Variants in RBPMS observed in about 807,000 individuals in gnomAD.
The protein encoded by RBPMS is RNA-binding protein with multiple splicing.
RBPMS carries 7 observed loss-of-function variants against 26.8 expected under a neutral mutation model. The observed-to-expected ratio is 0.26, with a 90% CI of 0.15 to 0.49. The LOEUF is 0.49. Among genes scored for constraint, RBPMS ranks in the 20% least tolerant of loss-of-function variants. The pLI is 0.98. For missense variants in RBPMS, 186 were observed against 250.0 expected (o/e 0.74, Z 1.73); for synonymous variants, 96 against 93.3 (o/e 1.03, Z -0.17).
At chr8:30,528,867 A>G (rs1436000236) in intron 5 of RBPMS, among the ~76,000 whole-genome samples, 1 of 151,978 alleles carries the variant, frequency 6.6e-6, no homozygotes, top group Non-Finnish European at 1.5e-5. Flanking sequence ...TTCACATACC[A>G]TACAATTTAA....
intron 1 of RBPMS, among the ~76,000 whole-genome samples, chr8:30,469,613 G>T (rs1490391025): frequency 6.6e-6 from 1 of 152,216 alleles, no homozygotes; most frequent in Non-Finnish European, 1.5e-5. Flanking sequence ...GGCATGTTGT[G>T]TACTTGTCTA....
At chr8:30,540,532 C>T (rs941119251) in intron 5 of RBPMS, among the ~76,000 whole-genome samples, 2 of 152,132 alleles carry the variant, frequency 1.3e-5, no homozygotes, top group African/African-American at 4.8e-5. Context: ...TTCGAGTGAA[C>T]CTCCCACCTT....
rs58283942 is a variant in RBPMS, at chr8:30,492,459, T to TAA, written c.247-11818_247-11817dup. ...TGTCAACACCAGTAACCCTTTGACT[T>TAA]AAAAAAAAAATACCCCTTTTATCTT... On this transcript the variant is annotated intron_variant, in intron 4 of 8. Transcript: ENST00000397323. Among the ~76,000 whole-genome samples the TAA allele has an allele frequency of 2.8e-3, 415 of 150,132 alleles. 4 individuals carry two copies. The highest frequency in any genetic ancestry group is 5.2e-3 in the Non-Finnish European group (349 of 67,420).
In RBPMS at chr8:30,384,745, GCTTC is replaced by G. The variant is rs746653670; in HGVS notation, c.-331_-328del. ...GACGCGCGTCCTCGCCCCATCCTTTGCTTCCTTCCTTCCTTCCTTCTTCCTTCCT... is the reference window on the plus strand; with the variant it reads ...GACGCGCGTCCTCGCCCCATCCTTTGCTTCCTTCCTTCCTTCTTCCTTCCT... On this transcript the variant is annotated 5_prime_UTR_variant, in exon 1 of 9. Transcript: ENST00000397323. This position sits in a 1 kb window ranked among gnomAD's most constrained non-coding sequence, Gnocchi z 5.6. 4.0e-4 allele frequency: 84 copies of G among 208,678 alleles called. No homozygotes were observed. Among genetic ancestry groups the G allele is most frequent in the East Asian group, 5.5e-4 (5 of 9,124 alleles). The allele number at this position is 208,678 out of a possible 1,614,324, so 12.9% of individuals were successfully genotyped here.
intron 1 of RBPMS, among the ~76,000 whole-genome samples, chr8:30,471,527 C>T (rs76381265): frequency 2.8e-4 from 43 of 152,260 alleles, no homozygotes; most frequent in Admixed American, 1.9e-3. Flanking sequence ...TTCTGCTTAT[C>T]GTATCATTTT....
chr8:30,491,243 A>G (rs2150887766), intron 4 of RBPMS, among the ~76,000 whole-genome samples: 1 of 152,326 alleles, frequency 6.6e-6, no homozygotes, highest in South Asian at 2.1e-4. Context: ...AAAACCATTG[A>G]CTTATAAAAT....
chr8:30,469,632 G>A lies in RBPMS; in HGVS notation c.67-5147G>A, dbSNP rs553028761. On this transcript the variant is annotated intron_variant, in intron 1 of 8. Transcript: ENST00000397323. Reference sequence around the variant, plus strand: ...TGTTGTGTACTTGTCTAAGAAATATGTTTCCCCATGTGTTCCATAAAGTAA... The same window carrying A: ...TGTTGTGTACTTGTCTAAGAAATATATTTCCCCATGTGTTCCATAAAGTAA... 2.0e-5 allele frequency among the ~76,000 whole-genome samples: 3 copies of A among 152,298 alleles called. No homozygotes were observed. In the East Asian group the frequency reaches 5.8e-4, roughly 29 times the overall value.
rs1367397225 is a variant in RBPMS, at chr8:30,528,624, C to T, written c.398-15870C>T. 5.3e-5 allele frequency among the ~76,000 whole-genome samples: 8 copies of T among 152,212 alleles called. No individual in the cohort carries two copies. The South Asian group carries it at 8.3e-4, about 16-fold the overall frequency. ...TCATTCAAGACATTTCTGTTAAACA[C>T]GTTATATTCATTATCTCATTCAATC... On this transcript the variant is annotated intron_variant, in intron 5 of 8. Coordinates refer to ENST00000397323, the MANE Select transcript of RBPMS (RefSeq NM_001008710.3).
At chr8:30,445,226 T>C (rs1422349122) in intron 1 of RBPMS, 1 of 152,136 alleles carries the variant, frequency 6.6e-6, no homozygotes, top group Non-Finnish European at 1.5e-5. Context: ...ATACACATAT[T>C]TACCCAGTCT....
chr8:30,458,723 C>T (rs1025676139), intron 1 of RBPMS, among the ~76,000 whole-genome samples: 2 of 152,174 alleles, frequency 1.3e-5, no homozygotes, highest in African/African-American at 4.8e-5. Context: ...GCCTCAGACA[C>T]TGTTTTTTGA....
intron 6 of RBPMS, 35 bp from the exon 7 acceptor site, chr8:30,558,852 G>A: frequency 6.3e-7 from 1 of 1,582,674 alleles, no homozygotes; most frequent in South Asian, 1.1e-5. Context: ...ATGCTGGGGA[G>A]CCCTGGCTCA....
At chr8:30,415,316 A>G (rs1044929249) in intron 1 of RBPMS, among the ~76,000 whole-genome samples, 1 of 152,196 alleles carries the variant, frequency 6.6e-6, no homozygotes, top group African/African-American at 2.4e-5. Flanking sequence ...GCTTCTGCAC[A>G]GCCATTTCAG....
At chr8:30,504,193 A>AGACCAGGGTTTACT in intron 4 of RBPMS, 93 bp from the exon 5 acceptor site, 1 of 1,349,076 alleles carries the variant, frequency 7.4e-7, no homozygotes, top group Non-Finnish European at 1.0e-6. Flanking sequence ...TTTTCCTGAT[A>AGACCAGGGTTTACT]GACCAGGGTT....
At chr8:30,522,856 A>C (rs1233811411) in intron 5 of RBPMS, among the ~76,000 whole-genome samples, 1 of 152,166 alleles carries the variant, frequency 6.6e-6, no homozygotes, top group Non-Finnish European at 1.5e-5. Flanking sequence ...ATACTTATTA[A>C]CCATTTAATT....
chr8:30,432,950 A>G (rs1411952059), intron 1 of RBPMS, among the ~76,000 whole-genome samples: 1 of 152,234 alleles, frequency 6.6e-6, no homozygotes, highest in East Asian at 1.9e-4. Flanking sequence ...AGCAACTTTT[A>G]TTTGGAGAAC....
rs185717851 is a variant in RBPMS, at chr8:30,474,643, C to T, written c.67-136C>T. 1.7e-3 allele frequency: 1,055 copies of T among 607,200 alleles called. 2 individuals carry two copies. Among genetic ancestry groups the T allele is most frequent in the Admixed American group, 2.8e-3 (106 of 37,322 alleles). The allele number at this position is 607,200 out of a possible 1,614,324, so 37.6% of individuals were successfully genotyped here. A position where few individuals can be genotyped will look rare whatever the true frequency, so the allele number is the denominator to read the frequency against. The stretch of plus-strand genomic sequence containing the variant: ...AGTGGCATCTTAACAGTGAAGTATT[C>T]GTTGTATCATGGAAAGAGCATGAAT... On this transcript the variant is annotated intron_variant, in intron 1 of 8. Transcript: ENST00000397323.
chr8:30,457,097 C>G (rs1345903047), intron 1 of RBPMS, among the ~76,000 whole-genome samples: 1 of 152,152 alleles, frequency 6.6e-6, no homozygotes, highest in Non-Finnish European at 1.5e-5. Context: ...CCTGTCATAC[C>G]AGGTTCCAAA....
At position 30,411,664 on chromosome 8, in the gene RBPMS, G is replaced by GAA. The variant is rs796071124; in HGVS notation, c.66+26525_66+26526dup. ...TGGGTGACAGCAAGACCCTGTCTCA[G>GAA]AAAAAAAAAAAAAAAAAAAAGAAAA... On this transcript the variant is annotated intron_variant, in intron 1 of 8. Transcript: ENST00000397323. 6.4e-3 allele frequency among the ~76,000 whole-genome samples: 182 copies of GAA among 28,222 alleles called. 1 individual carries two copies. The highest frequency in any genetic ancestry group is 0.026 in the African/African-American group (171 of 6,704). 18.5% of individuals were successfully genotyped at this position (28,222 alleles called of 152,430 possible).
At chr8:30,501,204 T>A (rs1476764850) in intron 4 of RBPMS, among the ~76,000 whole-genome samples, 1 of 151,830 alleles carries the variant, frequency 6.6e-6, no homozygotes, top group African/African-American at 2.4e-5. Flanking sequence ...AAGTCCTCAG[T>A]CATGGCATAA....
Sources: allele counts gnomAD v4.1 joint callset (sites outside exome capture counted in the v4.1 genomes callset), GRCh38; gene constraint gnomAD v4.1.1; non-coding constraint Gnocchi (gnomAD v3.1); transcripts MANE v1.5; gene names NCBI Gene and HGNC (gene_info 2026-07-23, HGNC 2026-07-21).